TENM3: variants seen among roughly 807,000 people sequenced by gnomAD.
TENM3 encodes teneurin-3.
TENM3 carries 63 observed loss-of-function variants against 255.1 expected under a neutral mutation model. The observed-to-expected ratio is 0.25, with a 90% CI of 0.20 to 0.30. The LOEUF (loss-of-function observed/expected upper bound fraction) is 0.30. TENM3 is among the 10% of genes least tolerant of loss of function. The probability of loss-of-function intolerance (pLI) is 1.00; values close to 1 mark genes in which losing one functional copy is unlikely to be tolerated. For synonymous variants in TENM3, 1,306 were observed against 1,322.3 expected (o/e 0.99, Z 0.27); for missense variants, 2,929 against 3,461.1 (o/e 0.85, Z 3.86).
intron 3 of TENM3, among the ~76,000 whole-genome samples, chr4:182,365,073 G>A (rs1766334705): frequency 6.6e-6 from 1 of 152,176 alleles, no homozygotes; most frequent in Admixed American, 6.5e-5. Context: ...GACAGGGAGT[G>A]TTTCCATGCT....
chr4:182,422,590 C>A (rs1401180685), intron 3 of TENM3, among the ~76,000 whole-genome samples: 1 of 152,196 alleles, frequency 6.6e-6, no homozygotes, highest in African/African-American at 2.4e-5. Flanking sequence ...TTCTCTCCGG[C>A]TTTACTGGGG....
intron 3 of TENM3, among the ~76,000 whole-genome samples, chr4:182,434,819 C>T (rs923437359): frequency 1.3e-5 from 2 of 152,004 alleles, no homozygotes; most frequent in Non-Finnish European, 2.9e-5. Flanking sequence ...ATTAGAGGAC[C>T]GGTAATCTTT....
the TENM3 span, among the ~76,000 whole-genome samples, chr4:181,715,337 AG>A: frequency 6.6e-6 from 1 of 152,196 alleles, no homozygotes; most frequent in Non-Finnish European, 1.5e-5. Context: ...ATAGTACTGC[AG>A]TGAATAGCCT....
chr4:182,017,393 CT>C, the TENM3 span, among the ~76,000 whole-genome samples: 16 of 152,244 alleles, frequency 1.1e-4, no homozygotes, highest in African/African-American at 3.6e-4. Flanking sequence ...ACAAAATGGA[CT>C]TTTTCCTGGA....
At chr4:182,284,462 A>G (rs567038752) in intron 1 of TENM3, among the ~76,000 whole-genome samples, 1 of 152,236 alleles carries the variant, frequency 6.6e-6, no homozygotes, top group Non-Finnish European at 1.5e-5. Flanking sequence ...ACTGGTCAGC[A>G]TTATAATAAA....
chr4:181,810,886 A>T, the TENM3 span, among the ~76,000 whole-genome samples: 1 of 152,082 alleles, frequency 6.6e-6, no homozygotes, highest in South Asian at 2.1e-4. Flanking sequence ...TGGGAAGATG[A>T]TGTAGCATCC....
chr4:182,055,704 C>G, the TENM3 span, among the ~76,000 whole-genome samples: 1 of 152,116 alleles, frequency 6.6e-6, no homozygotes, highest in Non-Finnish European at 1.5e-5. Flanking sequence ...AAAAAGTGAT[C>G]AACCATTTGC....
In TENM3 at chr4:182,730,422, CA is replaced by C. The variant is rs200824367; in HGVS notation, c.2705+104del. 1,910 of 1,362,398 alleles carry C rather than the reference CA, an allele frequency of 1.4e-3. 24 individuals are homozygous for C. In the African/African-American group the frequency reaches 0.025, roughly 18 times the overall value. The allele number at this position is 1,362,398 out of a possible 1,614,324, so 84.4% of individuals were successfully genotyped here. A position where few individuals can be genotyped will look rare whatever the true frequency, so the allele number is the denominator to read the frequency against. On this transcript the variant is annotated intron_variant, in intron 15 of 27. Transcript: ENST00000511685. ...GACTGTCCTTTTAAATATGGAAATG[CA>C]GCAACTTTTTAGACTCTACAAACTT...
In TENM3 at chr4:182,765,978, T is replaced by C. The variant is rs535745106; in HGVS notation, c.4893-7494T>C. The stretch of plus-strand genomic sequence containing the variant: ...GGTCAAACTAGTATCTTATATGTTA[T>C]GTTGGTGGTAGAAATAGCAATTTAT... On this transcript the variant is annotated intron_variant, in intron 22 of 27. Transcript: ENST00000511685. 3.3e-3 allele frequency among the ~76,000 whole-genome samples: 510 copies of C among 152,362 alleles called. 4 individuals carry two copies. Among genetic ancestry groups the C allele is most frequent in the South Asian group, 0.016 (76 of 4,822 alleles).
the TENM3 span, among the ~76,000 whole-genome samples, chr4:181,647,621 C>T: frequency 2.0e-5 from 3 of 152,010 alleles, no homozygotes; most frequent in African/African-American, 7.3e-5. Flanking sequence ...AGAAATGTGT[C>T]ATGAAATTTG....
chr4:181,859,430 A>C, the TENM3 span, among the ~76,000 whole-genome samples: 2 of 152,088 alleles, frequency 1.3e-5, no homozygotes, highest in African/African-American at 4.8e-5. Context: ...CTAATAAAAA[A>C]CTGACAAGGA....
the TENM3 span, among the ~76,000 whole-genome samples, chr4:181,794,970 G>A: frequency 6.6e-6 from 1 of 152,112 alleles, no homozygotes; most frequent in African/African-American, 2.4e-5. Flanking sequence ...CTACCAGTTT[G>A]CAAGGTAATT....
At chr4:181,473,453 G>T in the TENM3 span, among the ~76,000 whole-genome samples, 1 of 151,956 alleles carries the variant, frequency 6.6e-6, no homozygotes, top group Non-Finnish European at 1.5e-5. Context: ...TTAGCTGGGG[G>T]TGGCGACACG....
At chr4:181,897,992 C>T in the TENM3 span, among the ~76,000 whole-genome samples, 1 of 152,136 alleles carries the variant, frequency 6.6e-6, no homozygotes, top group African/African-American at 2.4e-5. Context: ...ATATCAGAGC[C>T]ATATGACTCA....
At chr4:181,596,633 C>G in the TENM3 span, among the ~76,000 whole-genome samples, 1 of 151,972 alleles carries the variant, frequency 6.6e-6, no homozygotes, top group African/African-American at 2.4e-5. Context: ...AAATAAGATC[C>G]TCATATATAA....
At chr4:181,562,922 G>A in the TENM3 span, among the ~76,000 whole-genome samples, 3 of 152,134 alleles carry the variant, frequency 2.0e-5, no homozygotes, top group Non-Finnish European at 1.5e-5. Flanking sequence ...TGATTAGCCC[G>A]CCTGGGCCTC....
At chr4:182,376,462 T>C (rs1460739675) in intron 3 of TENM3, among the ~76,000 whole-genome samples, 3 of 152,356 alleles carry the variant, frequency 2.0e-5, no homozygotes, top group East Asian at 3.9e-4. Context: ...GACTGCATTA[T>C]ATTTAAAGAT....
intron 1 of TENM3, among the ~76,000 whole-genome samples, chr4:182,146,677 A>T (rs1749989176): frequency 1.3e-5 from 2 of 152,336 alleles, no homozygotes; most frequent in Admixed American, 6.5e-5. Flanking sequence ...TGCACTGCAC[A>T]GTTTTTATAA....
the TENM3 span, among the ~76,000 whole-genome samples, chr4:181,592,334 C>G: frequency 7.3e-6 from 1 of 137,306 alleles, no homozygotes; most frequent in East Asian, 2.1e-4. Context: ...CCATATGGCT[C>G]TTTTTTTTTT....
Sources: allele counts gnomAD v4.1 joint callset (sites outside exome capture counted in the v4.1 genomes callset), GRCh38; gene constraint gnomAD v4.1.1; transcripts MANE v1.5; gene names NCBI Gene and HGNC (gene_info 2026-07-23, HGNC 2026-07-21).